The following DGKB variants were observed in gnomAD, a reference collection of about 807,000 sequenced individuals.
DGKB encodes the protein 90 kDa diacylglycerol kinase.
DGKB carries 67 observed loss-of-function variants against 114.3 expected under a neutral mutation model. The observed-to-expected ratio is 0.59, with a 90% CI of 0.48 to 0.72. The LOEUF (loss-of-function observed/expected upper bound fraction) is 0.72, where lower values mean the gene tolerates loss of function less well. Ranked by LOEUF, DGKB falls within the 30% of genes least tolerant of loss-of-function variation. The probability of loss-of-function intolerance (pLI) is 0.00; values close to 1 mark genes in which losing one functional copy is unlikely to be tolerated. For missense variants in DGKB, 907 were observed against 975.2 expected (o/e 0.93, Z 0.93); for synonymous variants, 398 against 323.1 (o/e 1.23, Z -2.49).
chr7:14,340,246 G>C (rs562653020), intron 22 of DGKB, among the ~76,000 whole-genome samples: 1 of 131,668 alleles, frequency 7.6e-6, no homozygotes, highest in Non-Finnish European at 1.6e-5. Context: ...TTTTACTAAA[G>C]AATTCTGGTC....
At chr7:14,195,852 T>C (rs1296935864) in intron 23 of DGKB, among the ~76,000 whole-genome samples, 1 of 152,170 alleles carries the variant, frequency 6.6e-6, no homozygotes, top group Non-Finnish European at 1.5e-5. Context: ...CCTGGTTGCA[T>C]GTAAGTCTTA....
intron 1 of DGKB, among the ~76,000 whole-genome samples, chr7:14,953,825 C>A (rs187047717): frequency 7.2e-5 from 11 of 152,200 alleles, no homozygotes; most frequent in Middle Eastern, 3.4e-3. Context: ...AATCCTCCCC[C>A]AGTTGACTCT....
chr7:14,514,549 A>G (rs929668250), intron 20 of DGKB, among the ~76,000 whole-genome samples: 1 of 152,188 alleles, frequency 6.6e-6, no homozygotes, highest in African/African-American at 2.4e-5. Flanking sequence ...ATAATTTAAT[A>G]TGGATGGGTA....
Position 14,558,553 on chromosome 7 carries a change from T to G in DGKB, c.1770+15659A>C, listed in dbSNP as rs1476736692. On this transcript the variant is annotated intron_variant, in intron 20 of 25. Transcript: ENST00000402815. Reference sequence around the variant, plus strand: ...AGATTTCTGCTTTTTTAAAAAAAACTGATTTTCCTTGTGGCCACATGTGTA... The same window carrying G: ...AGATTTCTGCTTTTTTAAAAAAAACGGATTTTCCTTGTGGCCACATGTGTA... Among the ~76,000 whole-genome samples the G allele has an allele frequency of 2.0e-5, 3 of 152,152 alleles. No individual in the cohort carries two copies. In the East Asian group the frequency reaches 5.8e-4, roughly 29 times the overall value.
At chr7:14,838,877 T>C (rs943437660) in intron 2 of DGKB, among the ~76,000 whole-genome samples, 3 of 152,206 alleles carry the variant, frequency 2.0e-5, no homozygotes, top group Non-Finnish European at 2.9e-5. Context: ...CCTTCAATTG[T>C]GATGGGCTAA....
At chr7:14,829,475 G>A (rs1229927610) in intron 2 of DGKB, among the ~76,000 whole-genome samples, 1 of 152,082 alleles carries the variant, frequency 6.6e-6, no homozygotes, top group Non-Finnish European at 1.5e-5. Context: ...CTGTGACAGG[G>A]AAACTAGAAG....
At chr7:14,280,449 C>T (rs1432805031) in intron 23 of DGKB, among the ~76,000 whole-genome samples, 97 of 150,396 alleles carry the variant, frequency 6.4e-4, no homozygotes, top group African/African-American at 2.3e-3. Context: ...GGATGTTATC[C>T]AGGAGAATTT....
intron 23 of DGKB, among the ~76,000 whole-genome samples, chr7:14,273,027 C>T (rs905541976): frequency 2.0e-4 from 30 of 152,106 alleles, no homozygotes; most frequent in African/African-American, 7.2e-4. Flanking sequence ...GTTTGTTACA[C>T]TATTAGTTCT....
intron 14 of DGKB, among the ~76,000 whole-genome samples, chr7:14,627,012 GA>G (rs1808717968): frequency 6.6e-6 from 1 of 151,960 alleles, no homozygotes. Flanking sequence ...GCTTATGTTA[GA>G]AAAAAGTAAG....
At chr7:14,545,469 A>G (rs1169568829) in intron 20 of DGKB, among the ~76,000 whole-genome samples, 1 of 152,228 alleles carries the variant, frequency 6.6e-6, no homozygotes, top group Non-Finnish European at 1.5e-5. Flanking sequence ...CTGTGAGCAG[A>G]AAGCATACTG....
chr7:14,922,274 A>G lies in DGKB; in HGVS notation c.-188+52422T>C, dbSNP rs190122051. ...GGAGAGTAGGTGATTAATTTAATAG[A>G]TTCCAGGGATGGGGTGCCATGTACG... On this transcript the variant is annotated intron_variant, in intron 1 of 4. Transcript: ENST00000437998. Among the ~76,000 whole-genome samples, 4 of 152,080 alleles carry G rather than the reference A, an allele frequency of 2.6e-5. No homozygotes were observed. In the East Asian group the frequency reaches 7.7e-4, roughly 29 times the overall value.
intron 21 of DGKB, among the ~76,000 whole-genome samples, chr7:14,391,942 T>C (rs10273965): frequency 0.076 from 11,600 of 152,172 alleles, 1,455 homozygotes; most frequent in African/African-American, 0.26. Flanking sequence ...ATTGAGTTGA[T>C]TTTTCATGTT....
At chr7:14,704,112 C>A (rs538539514) in intron 6 of DGKB, among the ~76,000 whole-genome samples, 1 of 151,924 alleles carries the variant, frequency 6.6e-6, no homozygotes, top group African/African-American at 2.4e-5. Context: ...TACATCTTTT[C>A]TTTTGAATTG....
Position 14,267,842 on chromosome 7 carries a change from T to G in DGKB, c.2122+70673A>C, listed in dbSNP as rs551334986. 8.8e-4 allele frequency among the ~76,000 whole-genome samples: 134 copies of G among 152,272 alleles called. 1 individual carries two copies. Among genetic ancestry groups the G allele is most frequent in the African/African-American group, 2.9e-3 (122 of 41,546 alleles). ...GATTTGTTATATAAATATAGATAAC[T>G]AGAACATAGGGTAAATGGCATGAAT... On this transcript the variant is annotated intron_variant, in intron 23 of 25. Transcript: ENST00000402815.
intron 23 of DGKB, among the ~76,000 whole-genome samples, chr7:14,313,424 C>T (rs1245284952): frequency 1.3e-5 from 2 of 152,050 alleles, no homozygotes; most frequent in Non-Finnish European, 2.9e-5. Flanking sequence ...GCGCACAGTG[C>T]GCGAGCCGAA....
At chr7:14,628,788 T>A (rs914744841) in intron 14 of DGKB, among the ~76,000 whole-genome samples, 7 of 152,088 alleles carry the variant, frequency 4.6e-5, no homozygotes, top group Non-Finnish European at 1.0e-4. Flanking sequence ...AAGGAAATTT[T>A]TGGAACAACA....
chr7:14,299,852 C>G (rs1460072018), intron 23 of DGKB, among the ~76,000 whole-genome samples: 1 of 151,832 alleles, frequency 6.6e-6, no homozygotes, highest in South Asian at 2.1e-4. Context: ...CTATATTAAT[C>G]AAGGTATTAT....
chr7:14,918,695 A>G (rs1011113360), intron 1 of DGKB, among the ~76,000 whole-genome samples: 3 of 152,166 alleles, frequency 2.0e-5, no homozygotes, highest in African/African-American at 7.2e-5. Flanking sequence ...CTATATGTCA[A>G]CTTGATCTAT....
intron 22 of DGKB, among the ~76,000 whole-genome samples, chr7:14,340,510 A>G (rs1015177161): frequency 4.0e-5 from 6 of 151,530 alleles, no homozygotes; most frequent in Non-Finnish European, 8.9e-5. Flanking sequence ...AGATTACCAC[A>G]GGGAATTCCC....
Sources: gnomAD v4.1 joint callset for allele counts (sites outside exome capture counted in the v4.1 genomes callset) on GRCh38, gnomAD v4.1.1 for gene constraint, MANE v1.5 for transcripts, NCBI Gene and HGNC (gene_info 2026-07-23, HGNC 2026-07-21) for gene names.